BBS2: variants seen among roughly 807,000 people sequenced by gnomAD.
BBS2 encodes the protein Bardet-Biedl syndrome 2.
Under a neutral mutation model 83.0 loss-of-function variants are expected in BBS2, and 62 were observed. The ratio of observed to expected loss-of-function variants is 0.75; its 90% CI spans 0.61 to 0.92. BBS2 has a LOEUF of 0.92. Among genes scored for constraint, BBS2 ranks in the 40% least tolerant of loss-of-function variants. The pLI, the probability that BBS2 is intolerant of heterozygous loss-of-function variation, is 0.00. For missense variants in BBS2, 784 were observed against 901.0 expected (o/e 0.87, Z 1.66); for synonymous variants, 303 against 326.1 (o/e 0.93, Z 0.76).
chr16:56,510,712 CG>C, intron 4 of BBS2, 146 bp downstream of exon 4: 3 of 785,150 alleles, frequency 3.8e-6, no homozygotes, highest in Non-Finnish European at 6.8e-6. Flanking sequence ...AAGAGAAAGA[CG>C]AATGGGGCCA....
intron 7 of BBS2, 88 bp from the exon 8 acceptor site, chr16:56,502,896 A>G: frequency 1.3e-6 from 2 of 1,484,040 alleles, no homozygotes; most frequent in Non-Finnish European, 1.8e-6. Context: ...TTTAAAGGTC[A>G]TTTAGTCTAG....
At chr16:56,488,476 T>C (rs1199760708) in intron 15 of BBS2, among the ~76,000 whole-genome samples, 2 of 152,216 alleles carry the variant, frequency 1.3e-5, no homozygotes, top group African/African-American at 4.8e-5. Context: ...TTTGCTAGTT[T>C]ATTATAAAGG....
rs566018238 is a variant in BBS2, at chr16:56,515,912, G to A, written c.118-1232C>T. Among the ~76,000 whole-genome samples, 18 of 152,300 alleles carry A rather than the reference G, an allele frequency of 1.2e-4. 1 individual carries two copies. The highest frequency in any genetic ancestry group is 4.3e-4 in the African/African-American group (18 of 41,572). On this transcript the variant is annotated intron_variant, in intron 1 of 16. Coordinates refer to ENST00000245157, the MANE Select transcript of BBS2 (RefSeq NM_031885.5). ...CAGGGCTAAGACAAGAGCCTGGTGTGCTCCAGGCCCTGCGCTCCAGCCACC... is the reference window on the plus strand; with the variant it reads ...CAGGGCTAAGACAAGAGCCTGGTGTACTCCAGGCCCTGCGCTCCAGCCACC...
At chr16:56,482,314 A>T (rs1963675763), downstream of BBS2, among the ~76,000 whole-genome samples, 1 of 152,050 alleles carries the variant, frequency 6.6e-6, no homozygotes, top group South Asian at 2.1e-4. Context: ...CCTGAAAAGG[A>T]GGTTATTTAT....
intron 17 of BBS2, among the ~76,000 whole-genome samples, chr16:56,471,171 G>A (rs1963160780): frequency 6.7e-6 from 1 of 149,484 alleles, no homozygotes; most frequent in African/African-American, 2.5e-5. Context: ...GACCAACATG[G>A]CAAAACCCCG....
At chr16:56,517,029 A>T (rs934367217) in intron 1 of BBS2, among the ~76,000 whole-genome samples, 15 of 151,734 alleles carry the variant, frequency 9.9e-5, no homozygotes, top group African/African-American at 3.6e-4. Context: ...GCCATTTTCG[A>T]CAACAGCCCT....
chr16:56,480,352 C>CAAAAAAAAAAAAAAAAAAAAAAAAAA (rs1286219655), downstream of BBS2, among the ~76,000 whole-genome samples: 46 of 76,520 alleles, frequency 6.0e-4, 1 homozygote, highest in South Asian at 1.5e-3. Context: ...CACACACACA[C>CAAAAAAAAAAAAAAAAAAAAAAAAAA]AAAAAAAAAA....
rs534200514 is a variant in BBS2, at chr16:56,496,907, C to A, written c.1910+60G>T. ...TTCTATTGGTAACATCTGAGAGTTG[C>A]TATTCCATACTGCTCACATTTTTAA... is the stretch of plus-strand genomic sequence containing the variant. On this transcript the variant is annotated intron_variant, in intron 15 of 16. Transcript: ENST00000245157. 51 of 1,152,860 alleles carry A rather than the reference C, an allele frequency of 4.4e-5. No individual in the cohort carries two copies. The Admixed American group carries it at 6.9e-4, about 16-fold the overall frequency. The allele number at this position is 1,152,860 out of a possible 1,614,324, so 71.4% of individuals were successfully genotyped here.
rs1367927635 is a variant in BBS2, at chr16:56,510,005, GA to G, written c.563del (p.Ile188ThrfsTer13). 5 of 1,613,904 alleles carry G rather than the reference GA, an allele frequency of 3.1e-6. No individual in the cohort carries two copies. The East Asian group carries it at 1.1e-4, about 36-fold the overall frequency. ...CAATCTCATCTTCCTTAAAAACTCG[GA>G]TATCAAAATCCTCAGATCCAACAAG... ...ELLVGSEDFD[I>X]RVFKEDEIVA... On this transcript the variant is annotated frameshift_variant, in exon 5 of 17. Coordinates refer to ENST00000245157, the MANE Select transcript of BBS2 (RefSeq NM_031885.5). LOFTEE classifies it high-confidence loss of function.
chr16:56,487,007 A>G (rs1167419323), intron 15 of BBS2, among the ~76,000 whole-genome samples: 3 of 151,908 alleles, frequency 2.0e-5, no homozygotes, highest in African/African-American at 7.3e-5. Flanking sequence ...CAAGTGATCC[A>G]CCCACCTTGG....
intron 1 of BBS2, 27 bp from the exon 2 acceptor site, chr16:56,514,707 C>T (rs1206325856): frequency 6.6e-7 from 1 of 1,517,654 alleles, no homozygotes; most frequent in East Asian, 2.3e-5. Flanking sequence ...TAATTACATT[C>T]CCTTAAAATA....
downstream of BBS2, among the ~76,000 whole-genome samples, chr16:56,480,359 AAAAAAAC>A (rs1482762513): frequency 6.3e-5 from 9 of 142,860 alleles, no homozygotes; most frequent in African/African-American, 1.4e-4. Context: ...ACACAAAAAA[AAAAAAAC>A]AAAAAAAAAA....
At chr16:56,471,425 GTC>G (rs1301929743) in intron 17 of BBS2, among the ~76,000 whole-genome samples, 1 of 151,400 alleles carries the variant, frequency 6.6e-6, no homozygotes, top group Admixed American at 6.6e-5. Context: ...ATTTAGAAAA[GTC>G]TCTCTGAGGA....
chr16:56,495,728 G>T (rs927873633), intron 15 of BBS2, among the ~76,000 whole-genome samples: 5 of 151,784 alleles, frequency 3.3e-5, no homozygotes, highest in African/African-American at 9.7e-5. Context: ...TTCTAAGTGT[G>T]ATATGGCATT....
chr16:56,510,296 C>T (rs1303578464), intron 4 of BBS2, among the ~76,000 whole-genome samples: 1 of 152,178 alleles, frequency 6.6e-6, no homozygotes, highest in African/African-American at 2.4e-5. Flanking sequence ...TCCCTGAGTA[C>T]CTGAAAAGGC....
Position 56,494,831 on chromosome 16 carries a change from G to A in BBS2, c.1910+2136C>T, listed in dbSNP as rs933098608. ...CAAAAAATTAGCCGGGCTTGGTGGC[G>A]GGCGCCTGTAGTCCCAGCTACTCGG... On this transcript the variant is annotated intron_variant, in intron 15 of 16. Transcript: ENST00000245157. 1.7e-4 allele frequency among the ~76,000 whole-genome samples: 26 copies of A among 151,950 alleles called. No individual in the cohort carries two copies. In the East Asian group the frequency reaches 2.7e-3, roughly 16 times the overall value.
Position 56,514,658 on chromosome 16 carries a change from G to A in BBS2, c.140C>T (p.Thr47Ile), listed in dbSNP as rs1964682649. The change falls in exon 2 of 17, where the codon ACA becomes ATA. Residue 47 changes from threonine to isoleucine, a missense_variant. By Grantham distance (89) the Thr-to-Ile change is moderately conservative. Coordinates refer to ENST00000245157, the MANE Select transcript of BBS2 (RefSeq NM_031885.5). ...GGATGCACTGACATGCTGGTTCCGT[G>A]TATGAGGATTATGAATAAAAACCTG... Reference protein sequence around the residue: ...TGKVFIHNPHTRNQHVSASRV... With the variant: ...TGKVFIHNPHIRNQHVSASRV... 1.9e-6 allele frequency: 3 copies of A among 1,613,788 alleles called. No individual in the cohort carries two copies. Among genetic ancestry groups the A allele is most frequent in the Non-Finnish European group, 2.5e-6 (3 of 1,179,732 alleles).
chr16:56,507,078 G>C (rs1964440242), intron 5 of BBS2, among the ~76,000 whole-genome samples: 3 of 152,196 alleles, frequency 2.0e-5, no homozygotes, highest in Non-Finnish European at 4.4e-5. Context: ...ACAAAGTGCT[G>C]TGTAGGATTC....
intron 2 of BBS2, among the ~76,000 whole-genome samples, chr16:56,514,180 C>A (rs1033885906): frequency 3.3e-5 from 5 of 152,216 alleles, no homozygotes; most frequent in Non-Finnish European, 7.3e-5. Context: ...CAGCTCTTGG[C>A]TGAATTCTCA....
Sources: allele counts gnomAD v4.1 joint callset (sites outside exome capture counted in the v4.1 genomes callset), GRCh38; gene constraint gnomAD v4.1.1; transcripts MANE v1.5; gene names NCBI Gene and HGNC (gene_info 2026-07-23, HGNC 2026-07-21).